Variants in CD247 observed in about 807,000 individuals in gnomAD.
CD247 encodes the protein T-cell surface glycoprotein CD3 zeta chain.
A neutral mutation model predicts 30.0 loss-of-function variants in CD247; 13 were observed. The ratio of observed to expected loss-of-function variants is 0.43; its 90% CI spans 0.28 to 0.69. The LOEUF is 0.69. Ranked by LOEUF, CD247 falls within the 30% of genes least tolerant of loss-of-function variation. CD247 has a pLI of 0.16. For synonymous variants in CD247, 72 were observed against 80.0 expected (o/e 0.90, Z 0.53); for missense variants, 193 against 212.6 (o/e 0.91, Z 0.57).
intron 1 of CD247, among the ~76,000 whole-genome samples, chr1:167,486,208 CT>C (rs1246453608): frequency 3.3e-5 from 5 of 152,236 alleles, no homozygotes; most frequent in African/African-American, 1.2e-4. Context: ...TGGTTTGGTT[CT>C]TGCACCAGCC....
chr1:167,513,582 C>T (rs1655484086), intron 1 of CD247, among the ~76,000 whole-genome samples: 1 of 151,920 alleles, frequency 6.6e-6, no homozygotes, highest in Non-Finnish European at 1.5e-5. Flanking sequence ...TTTGAGGAAA[C>T]TGGGTGATTG....
rs115209588 is a variant in CD247, at chr1:167,461,140, C to T, written c.59-20373G>A. Among the ~76,000 whole-genome samples the T allele has an allele frequency of 5.4e-3, 827 of 152,344 alleles. 6 individuals carry two copies. The highest frequency in any genetic ancestry group is 0.019 in the African/African-American group (785 of 41,586). ...GCTGAGAGGCAGACTGCTGGGCTGC[C>T]GCCTCCCATGGCAGCTTTCTCCCAT... On this transcript the variant is annotated intron_variant, in intron 1 of 7. Coordinates refer to ENST00000362089, the MANE Select transcript of CD247 (RefSeq NM_198053.3).
intron 1 of CD247, among the ~76,000 whole-genome samples, chr1:167,498,513 C>A (rs892051955): frequency 1.3e-5 from 2 of 152,222 alleles, no homozygotes; most frequent in Non-Finnish European, 2.9e-5. Context: ...GGCCTTTCTA[C>A]CTTTCCATTC....
chr1:167,438,506 C>A, intron 4 of CD247, 64 bp downstream of exon 4: 1 of 1,329,920 alleles, frequency 7.5e-7, no homozygotes, highest in South Asian at 1.2e-5. Flanking sequence ...GAGCCCTCCC[C>A]CACAGCCTGG....
intron 1 of CD247, among the ~76,000 whole-genome samples, chr1:167,442,965 T>A (rs921687793): frequency 2.0e-5 from 3 of 152,160 alleles, no homozygotes; most frequent in Non-Finnish European, 2.9e-5. Context: ...CCTCTGCTCT[T>A]GTCTTTTCCC....
intron 1 of CD247, among the ~76,000 whole-genome samples, chr1:167,483,453 T>C (rs12133337): frequency 0.18 from 26,616 of 152,086 alleles, 2,597 homozygotes; most frequent in Admixed American, 0.29. Context: ...ACCTTGAAGA[T>C]TCTGATATTT....
intron 1 of CD247, among the ~76,000 whole-genome samples, chr1:167,481,671 T>A (rs1249096663): frequency 1.3e-5 from 2 of 152,094 alleles, no homozygotes; most frequent in African/African-American, 4.8e-5. Flanking sequence ...AGCACAAGGG[T>A]CTCATTGAAT....
chr1:167,467,767 C>A (rs1472389763), intron 1 of CD247, among the ~76,000 whole-genome samples: 1 of 152,198 alleles, frequency 6.6e-6, no homozygotes, highest in African/African-American at 2.4e-5. Flanking sequence ...ACAGTTTGCT[C>A]GTATCCCAGT....
intron 1 of CD247, among the ~76,000 whole-genome samples, chr1:167,510,056 T>A (rs896399311): frequency 1.1e-4 from 16 of 152,176 alleles, no homozygotes; most frequent in African/African-American, 3.4e-4. Context: ...ATCTGTGACA[T>A]CTCTGACTTT....
intron 1 of CD247, among the ~76,000 whole-genome samples, chr1:167,454,374 T>C (rs1036496933): frequency 3.9e-5 from 6 of 152,232 alleles, no homozygotes; most frequent in Non-Finnish European, 8.8e-5. Context: ...TAGTATATAA[T>C]ATTTATAATA....
intron 1 of CD247, among the ~76,000 whole-genome samples, chr1:167,481,878 C>T (rs12737372): frequency 0.21 from 32,615 of 152,094 alleles, 4,247 homozygotes; most frequent in East Asian, 0.48. Flanking sequence ...GGGCAGGCAG[C>T]GATGGAACCC....
chr1:167,499,827 C>CT (rs986208203), intron 1 of CD247, among the ~76,000 whole-genome samples: 3 of 152,192 alleles, frequency 2.0e-5, no homozygotes, highest in Non-Finnish European at 2.9e-5. Flanking sequence ...GAGCAAATCA[C>CT]TTGCCTTCTT....
intron 1 of CD247, among the ~76,000 whole-genome samples, chr1:167,470,244 T>C (rs1653450971): frequency 6.6e-6 from 1 of 152,098 alleles, no homozygotes; most frequent in Non-Finnish European, 1.5e-5. Flanking sequence ...ATCATCCGTA[T>C]ACTGTTGACC....
intron 1 of CD247, among the ~76,000 whole-genome samples, chr1:167,515,145 C>T (rs550348675): frequency 1.2e-4 from 19 of 152,176 alleles, no homozygotes; most frequent in Non-Finnish European, 2.1e-4. Context: ...GATTGGAGGG[C>T]GAAACAATCT....
chr1:167,481,736 C>T (rs1409358564), intron 1 of CD247, among the ~76,000 whole-genome samples: 1 of 152,216 alleles, frequency 6.6e-6, no homozygotes, highest in East Asian at 1.9e-4. Flanking sequence ...GCACCACTGT[C>T]CCCATTTCCT....
chr1:167,508,522 T>C (rs1271242304), intron 1 of CD247, among the ~76,000 whole-genome samples: 1 of 152,246 alleles, frequency 6.6e-6, no homozygotes. Flanking sequence ...CTTTTGTAGC[T>C]CAATCTTTAT....
intron 1 of CD247, among the ~76,000 whole-genome samples, chr1:167,493,895 T>C (rs1558025417): frequency 2.0e-5 from 3 of 152,312 alleles, no homozygotes; most frequent in South Asian, 4.1e-4. Flanking sequence ...CCAGGAAGCA[T>C]GTGCCCTGGT....
rs929813282 is a variant in CD247 at position 167,432,871 on chromosome 1, T to C, written c.429+153A>G. ...CTGTGCTCCAGGGACTTATTGGCAG[T>C]GGCGTTGCCACTGGCCTAAATGGGT... is the stretch of plus-strand genomic sequence containing the variant. On this transcript the variant is annotated intron_variant, in intron 7 of 7. Transcript: ENST00000362089. 2.0e-5 allele frequency among the ~76,000 whole-genome samples: 3 copies of C among 152,244 alleles called. 1 individual carries two copies. The highest frequency in any genetic ancestry group is 7.2e-5 in the African/African-American group (3 of 41,474).
intron 2 of CD247, chr1:167,439,921 T>A (rs12725261): frequency 0.015 from 2,523 of 170,212 alleles, 34 homozygotes; most frequent in South Asian, 0.028. Context: ...TGAGCATCTG[T>A]GGGAAGCTGA....
Sources: gnomAD v4.1 joint callset for allele counts (sites outside exome capture counted in the v4.1 genomes callset) on GRCh38, gnomAD v4.1.1 for gene constraint, MANE v1.5 for transcripts, NCBI Gene and HGNC (gene_info 2026-07-23, HGNC 2026-07-21) for gene names.